Variants in CERT1 observed in about 807,000 individuals in gnomAD.
The protein encoded by CERT1 is ceramide transfer protein.
Under a neutral mutation model 87.9 loss-of-function variants are expected in CERT1, and 31 were observed. That is an observed-to-expected ratio of 0.35 (90% CI 0.27 to 0.48). The LOEUF (loss-of-function observed/expected upper bound fraction) is 0.48, where lower values mean the gene tolerates loss of function less well. Ranked by LOEUF, CERT1 falls within the 20% of genes least tolerant of loss-of-function variation. The probability of loss-of-function intolerance (pLI) is 0.99; values close to 1 mark genes in which losing one functional copy is unlikely to be tolerated. For synonymous variants in CERT1, 289 were observed against 250.9 expected, an observed-to-expected ratio of 1.15 and a Z score of -1.44; for missense variants, 487 against 758.0, an observed-to-expected ratio of 0.64 and a Z score of 4.20.
chr5:75,437,141 G>A (rs1764130785), intron 3 of CERT1, among the ~76,000 whole-genome samples: 1 of 152,052 alleles, frequency 6.6e-6, no homozygotes, highest in African/African-American at 2.4e-5. Flanking sequence ...GTATTAATGA[G>A]TCTTAAACAG....
chr5:75,510,973 C>T (rs1233842349), intron 1 of CERT1, 139 bp downstream of exon 1: 11 of 1,209,676 alleles, frequency 9.1e-6, no homozygotes, highest in Non-Finnish European at 1.2e-5. Flanking sequence ...CCCGCCTCAT[C>T]CCTAGTCGCT....
chr5:75,368,916 A>G (rs1437119574), intron 17 of CERT1: 1 of 150,748 alleles, frequency 6.6e-6, no homozygotes, highest in African/African-American at 2.4e-5. Context: ...TAAGTTGAAA[A>G]CTTTTTTTTT....
chr5:75,463,953 G>T (rs974607200), intron 2 of CERT1, among the ~76,000 whole-genome samples: 3 of 152,070 alleles, frequency 2.0e-5, no homozygotes, highest in African/African-American at 7.2e-5. Flanking sequence ...CAGTGATCTG[G>T]TAAGTTTTCA....
intron 3 of CERT1, among the ~76,000 whole-genome samples, chr5:75,458,850 G>A (rs943514280): frequency 2.0e-5 from 3 of 151,944 alleles, no homozygotes; most frequent in Admixed American, 6.6e-5. Flanking sequence ...ATGCCCAGCC[G>A]AGTAATATTT....
rs1350864626 is a variant in CERT1, at chr5:75,511,420, G to A, written c.-213C>T. ...CGAGGAAGGAGGACGAGCGGTGAAG[G>A]AAGCCTACCCTTCCAGCCGTCAGCC... is the stretch of plus-strand genomic sequence containing the variant. On this transcript the variant is annotated 5_prime_UTR_variant, in exon 1 of 17. Coordinates refer to ENST00000643780, the MANE Select transcript of CERT1 (RefSeq NM_001379029.1). The A allele has an allele frequency of 2.5e-5, 39 of 1,544,200 alleles. No homozygotes were observed. The highest frequency in any genetic ancestry group is 4.1e-5 in the African/African-American group (3 of 72,884).
chr5:75,405,441 G>A (rs1385016069), intron 8 of CERT1, among the ~76,000 whole-genome samples: 1 of 152,094 alleles, frequency 6.6e-6, no homozygotes, highest in Non-Finnish European at 1.5e-5. Flanking sequence ...TTCACAGCCA[G>A]ACCATCTCTC....
intron 2 of CERT1, among the ~76,000 whole-genome samples, chr5:75,491,923 AAC>A (rs1766816147): frequency 1.3e-5 from 2 of 152,178 alleles, no homozygotes; most frequent in African/African-American, 4.8e-5. Context: ...TGATATGAAA[AAC>A]AGTTGTAGCT....
intron 2 of CERT1, among the ~76,000 whole-genome samples, chr5:75,479,103 C>CAA (rs143501850): frequency 3.4e-5 from 5 of 148,300 alleles, no homozygotes; most frequent in East Asian, 4.0e-4. Flanking sequence ...TTAAATGGGA[C>CAA]AAAAAAAAAG....
intron 1 of CERT1, among the ~76,000 whole-genome samples, chr5:75,508,536 C>G (rs1767766887): frequency 6.6e-6 from 1 of 152,142 alleles, no homozygotes; most frequent in Non-Finnish European, 1.5e-5. Context: ...ACCTGGAAGA[C>G]AAGTTTTTTG....
intron 3 of CERT1, among the ~76,000 whole-genome samples, chr5:75,429,293 C>T (rs1561256401): frequency 6.6e-6 from 1 of 152,014 alleles, no homozygotes; most frequent in East Asian, 1.9e-4. Context: ...CCTCTGTCTC[C>T]TGGGTTCAAA....
intron 14 of CERT1, 62 bp from the exon 15 acceptor site, chr5:75,382,139 A>G (rs1353516518): frequency 6.9e-7 from 1 of 1,448,466 alleles, no homozygotes; most frequent in African/African-American, 1.4e-5. Flanking sequence ...AGAGAAACGT[A>G]ATGCCAATAA....
chr5:75,511,390 C>A lies in CERT1; in HGVS notation c.-183G>T, dbSNP rs1175873980. The A allele has an allele frequency of 4.5e-6, 7 of 1,546,190 alleles. No homozygotes were observed. Among genetic ancestry groups the A allele is most frequent in the East Asian group, 2.4e-5 (1 of 40,846 alleles). ...CGCCGCCGCCGCGCCTGACACCGAGCGGAGCGAGGAAGGAGGACGAGCGGT... is the reference window on the plus strand; with the variant it reads ...CGCCGCCGCCGCGCCTGACACCGAGAGGAGCGAGGAAGGAGGACGAGCGGT... On this transcript the variant is annotated 5_prime_UTR_variant, in exon 1 of 17. Coordinates refer to ENST00000643780, the MANE Select transcript of CERT1 (RefSeq NM_001379029.1).
intron 2 of CERT1, among the ~76,000 whole-genome samples, chr5:75,496,569 A>G (rs1200520513): frequency 1.3e-5 from 2 of 152,238 alleles, no homozygotes; most frequent in East Asian, 1.9e-4. Context: ...GGAAACAAAT[A>G]TATATCCGTC....
intron 8 of CERT1, among the ~76,000 whole-genome samples, chr5:75,405,606 T>A (rs958753547): frequency 1.3e-5 from 2 of 152,144 alleles, no homozygotes; most frequent in Admixed American, 6.6e-5. Context: ...CATTCAATCA[T>A]CACACCCTTC....
chr5:75,426,282 C>A, intron 4 of CERT1, 89 bp downstream of exon 4: 2 of 854,480 alleles, frequency 2.3e-6, no homozygotes, highest in Non-Finnish European at 1.8e-6. Flanking sequence ...AAAGTTTGTT[C>A]AAAAAATTAT....
chr5:75,389,525 A>G (rs928918722), intron 12 of CERT1, 67 bp downstream of exon 12: 6 of 1,148,810 alleles, frequency 5.2e-6, no homozygotes, highest in Non-Finnish European at 7.9e-6. Context: ...ATTCATATCA[A>G]TAGTAATGAT....
At chr5:75,417,369 CCTT>C (rs1445673524) in intron 6 of CERT1, among the ~76,000 whole-genome samples, 3 of 151,870 alleles carry the variant, frequency 2.0e-5, no homozygotes, top group Non-Finnish European at 4.4e-5. Flanking sequence ...GCAAGAACTA[CCTT>C]ATTATTTTGA....
chr5:75,380,067 C>T (rs1315626545), intron 16 of CERT1, among the ~76,000 whole-genome samples: 2 of 152,148 alleles, frequency 1.3e-5, no homozygotes, highest in African/African-American at 4.8e-5. Context: ...CAAATCTGTA[C>T]TATAATGAAA....
intron 3 of CERT1, 99 bp downstream of exon 3, chr5:75,458,965 TG>T: frequency 1.5e-6 from 1 of 674,700 alleles, no homozygotes; most frequent in Non-Finnish European, 2.7e-6. Context: ...TAATGTTCAA[TG>T]TTTCAGTAAC....
Sources: gnomAD v4.1 joint callset for allele counts (sites outside exome capture counted in the v4.1 genomes callset) on GRCh38, gnomAD v4.1.1 for gene constraint, MANE v1.5 for transcripts, NCBI Gene and HGNC (gene_info 2026-07-23, HGNC 2026-07-21) for gene names.